Variants in SPIN1 observed in about 807,000 individuals in gnomAD.
SPIN1 encodes spindlin-1.
A neutral mutation model predicts 26.0 loss-of-function variants in SPIN1; 3 were observed. That is an observed-to-expected ratio of 0.12 (90% CI 0.05 to 0.30). The LOEUF is 0.30. Ranked by LOEUF, SPIN1 falls within the 10% of genes least tolerant of loss-of-function variation. SPIN1 has a pLI of 1.00. For synonymous variants in SPIN1, 101 were observed against 116.5 expected (o/e 0.87, Z 0.86); for missense variants, 126 against 333.4 (o/e 0.38, Z 4.84).
chr9:88,448,762 T>G (rs1410020228), intron 2 of SPIN1, among the ~76,000 whole-genome samples, 179 bp from the exon 3 acceptor site: 3 of 152,190 alleles, frequency 2.0e-5, no homozygotes, highest in Non-Finnish European at 2.9e-5. Flanking sequence ...CAAGAATCTC[T>G]TGTGTGTATC....
intron 1 of SPIN1, among the ~76,000 whole-genome samples, chr9:88,414,146 G>C (rs1005749809): frequency 2.0e-5 from 3 of 152,156 alleles, no homozygotes; most frequent in Non-Finnish European, 4.4e-5. Context: ...GGTATTAACC[G>C]GGAAAGCTCA....
At chr9:88,415,031 G>A (rs975444714) in intron 1 of SPIN1, among the ~76,000 whole-genome samples, 1 of 152,036 alleles carries the variant, frequency 6.6e-6, no homozygotes, top group Non-Finnish European at 1.5e-5. Context: ...AGCCTCCCGA[G>A]TAGCTGAGAC....
chr9:88,398,396 T>A (rs1281168450), intron 1 of SPIN1, among the ~76,000 whole-genome samples: 1 of 152,102 alleles, frequency 6.6e-6, no homozygotes, highest in African/African-American at 2.4e-5. Context: ...GAACCATTCC[T>A]GTTTTTGCCT....
intron 3 of SPIN1, chr9:88,457,760 C>T (rs1828498802): frequency 2.2e-6 from 2 of 889,020 alleles, no homozygotes; most frequent in Non-Finnish European, 2.7e-6. Flanking sequence ...CGTTTGTATT[C>T]CTGAACTTTA....
intron 3 of SPIN1, among the ~76,000 whole-genome samples, chr9:88,455,528 G>C (rs1236847873): frequency 6.6e-6 from 1 of 152,124 alleles, no homozygotes; most frequent in Non-Finnish European, 1.5e-5. Flanking sequence ...TGAAAACATA[G>C]GTAAACAGAG....
intron 1 of SPIN1, among the ~76,000 whole-genome samples, chr9:88,420,948 C>CCTCTG (rs552560655): frequency 3.0e-4 from 46 of 152,288 alleles, no homozygotes; most frequent in Admixed American, 2.2e-3. Context: ...GTACACGTAG[C>CCTCTG]CTCTGCTCTG....
chr9:88,421,887 A>G (rs1042609303), intron 1 of SPIN1, among the ~76,000 whole-genome samples: 1 of 151,688 alleles, frequency 6.6e-6, no homozygotes, highest in Non-Finnish European at 1.5e-5. Context: ...AATATATTTT[A>G]TATTGCCACA....
rs974705973 is a variant in SPIN1, at chr9:88,439,397, T to C, written c.53-9544T>C. 9.8e-4 allele frequency among the ~76,000 whole-genome samples: 150 copies of C among 152,350 alleles called. 1 individual carries two copies. The highest frequency in any genetic ancestry group is 7.1e-4 in the Non-Finnish European group (48 of 68,038). On this transcript the variant is annotated intron_variant, in intron 2 of 5. Transcript: ENST00000375859. Reference sequence around the variant, plus strand: ...CTGATACTTCAATGAGTATAAACTTTGTTTCATGCACAAAATTATTTAAAA... The same window carrying C: ...CTGATACTTCAATGAGTATAAACTTCGTTTCATGCACAAAATTATTTAAAA...
intron 1 of SPIN1, among the ~76,000 whole-genome samples, chr9:88,412,514 G>A (rs529801186): frequency 2.0e-4 from 31 of 152,264 alleles, no homozygotes; most frequent in African/African-American, 6.3e-4. Flanking sequence ...TTTGGGCAGA[G>A]GGGGTTGTGC....
chr9:88,446,462 A>G (rs1329150007), intron 2 of SPIN1, among the ~76,000 whole-genome samples: 1 of 148,254 alleles, frequency 6.7e-6, no homozygotes, highest in African/African-American at 2.5e-5. Context: ...GCTGGAGTGC[A>G]GTAACACAAT....
intron 1 of SPIN1, among the ~76,000 whole-genome samples, chr9:88,400,652 C>T (rs2117902473): frequency 6.6e-6 from 1 of 152,284 alleles, no homozygotes; most frequent in African/African-American, 2.4e-5. Context: ...TTGAGACCAG[C>T]CTGGCCAACA....
chr9:88,438,458 A>C (rs1587798981), intron 2 of SPIN1, among the ~76,000 whole-genome samples: 1 of 152,168 alleles, frequency 6.6e-6, no homozygotes, highest in African/African-American at 2.4e-5. Flanking sequence ...ACTGTTTTAC[A>C]GTTCATAATG....
intron 3 of SPIN1, among the ~76,000 whole-genome samples, chr9:88,453,736 G>A (rs1388922100): frequency 6.6e-6 from 1 of 152,110 alleles, no homozygotes; most frequent in Non-Finnish European, 1.5e-5. Flanking sequence ...ATGTTGGTCA[G>A]GCAGGTCTCA....
intron 4 of SPIN1, among the ~76,000 whole-genome samples, chr9:88,463,385 G>T (rs895140440): frequency 1.3e-5 from 2 of 151,900 alleles, no homozygotes; most frequent in Non-Finnish European, 2.9e-5. Flanking sequence ...ACTTTTTTTT[G>T]AAGTATTTAT....
chr9:88,417,645 G>T (rs1388348173), intron 1 of SPIN1, among the ~76,000 whole-genome samples: 2 of 151,848 alleles, frequency 1.3e-5, no homozygotes, highest in African/African-American at 4.8e-5. Flanking sequence ...GCTAATTTTT[G>T]TATTTTTAGT....
At chr9:88,399,616 AACCACTGCCTC>A (rs1209688379) in intron 1 of SPIN1, among the ~76,000 whole-genome samples, 2 of 152,134 alleles carry the variant, frequency 1.3e-5, no homozygotes, top group Non-Finnish European at 2.9e-5. Context: ...ATTCTAGGCC[AACCACTGCCTC>A]ACACGAATGG....
intron 2 of SPIN1, among the ~76,000 whole-genome samples, chr9:88,444,691 C>CTTTTTTT (rs1226379698): frequency 1.6e-5 from 2 of 123,062 alleles, no homozygotes; most frequent in African/African-American, 3.2e-5. Flanking sequence ...CTTTTCTTTT[C>CTTTTTTT]TTTTTTTTTT....
intron 2 of SPIN1, among the ~76,000 whole-genome samples, chr9:88,444,644 T>C (rs1340809320): frequency 1.3e-5 from 2 of 152,000 alleles, no homozygotes; most frequent in Non-Finnish European, 2.9e-5. Context: ...GGTGGTCACT[T>C]TCATTTTTCT....
chr9:88,450,579 A>C (rs1411752213), intron 3 of SPIN1, among the ~76,000 whole-genome samples: 1 of 152,214 alleles, frequency 6.6e-6, no homozygotes, highest in Non-Finnish European at 1.5e-5. Flanking sequence ...CCTAAAGCAT[A>C]AGAAACGAAA....
Sources: allele counts gnomAD v4.1 joint callset (sites outside exome capture counted in the v4.1 genomes callset), GRCh38; gene constraint gnomAD v4.1.1; transcripts MANE v1.5; gene names NCBI Gene and HGNC (gene_info 2026-07-23, HGNC 2026-07-21).